The following ZNF638 variants were observed in gnomAD, a reference collection of about 807,000 sequenced individuals.
ZNF638 encodes CTCL tumor antigen se33-1.
ZNF638 carries 46 observed loss-of-function variants against 195.6 expected under a neutral mutation model. That is an observed-to-expected ratio of 0.24 (90% CI 0.19 to 0.30). The LOEUF is 0.30. Ranked by LOEUF, ZNF638 falls within the 10% of genes least tolerant of loss-of-function variation. The pLI is 1.00. For synonymous variants in ZNF638, 845 were observed against 772.0 expected (o/e 1.09, Z -1.57); for missense variants, 2,440 against 2,325.3 (o/e 1.05, Z -1.01).
intron 22 of ZNF638, 97 bp downstream of exon 22, chr2:71,424,135 T>C (rs1226954187): frequency 1.3e-5 from 19 of 1,456,202 alleles, no homozygotes; most frequent in Admixed American, 2.3e-5. Flanking sequence ...TTTCATACTT[T>C]CATCTCCTCA....
At chr2:71,350,962 A>G (rs954414386) in intron 2 of ZNF638, among the ~76,000 whole-genome samples, 6 of 152,230 alleles carry the variant, frequency 3.9e-5, no homozygotes, top group African/African-American at 1.4e-4. Context: ...AGTATTTTGC[A>G]GAGGCAGTGA....
chr2:71,427,272 T>A lies in ZNF638; in HGVS notation c.5403T>A (p.His1801Gln). Residue 1801 changes from histidine to glutamine, a missense_variant, in exon 24 of 28, where the codon CAT (histidine) becomes CAA (glutamine). Transcript: ENST00000264447. ...AGTTAGCACAAAGCAAAAATGACCA[T>A]CCCACAGATAAAAAAGGGAATAGAA... is the stretch of plus-strand genomic sequence containing the variant. ...KVELAQSKND[H>Q]PTDKKGNRKK... The A allele has an allele frequency of 6.2e-7, 1 of 1,613,264 alleles. No individual in the cohort carries two copies. The highest frequency in any genetic ancestry group is 1.1e-5 in the South Asian group (1 of 90,996).
At chr2:71,405,911 T>C (rs1479965348) in intron 18 of ZNF638, among the ~76,000 whole-genome samples, 1 of 152,158 alleles carries the variant, frequency 6.6e-6, no homozygotes, top group African/African-American at 2.4e-5. Flanking sequence ...AACGTTATGT[T>C]GATAGTAGAA....
chr2:71,433,848 T>C (rs1159625979), intron 27 of ZNF638, among the ~76,000 whole-genome samples: 1 of 152,196 alleles, frequency 6.6e-6, no homozygotes, highest in Non-Finnish European at 1.5e-5. Flanking sequence ...TGGAAGCTTA[T>C]TTAATCTCCT....
chr2:71,354,705 C>G (rs114715884), intron 2 of ZNF638, among the ~76,000 whole-genome samples: 1,631 of 149,208 alleles, frequency 0.011, 12 homozygotes, highest in Non-Finnish European at 0.018. Context: ...TCATTGCACT[C>G]CAGCCTAGGC....
intron 10 of ZNF638, chr2:71,395,258 G>A (rs933293413): frequency 1.4e-5 from 10 of 717,156 alleles, no homozygotes; most frequent in South Asian, 5.9e-5. Context: ...ATGCAAAGCC[G>A]GAATACGAGC....
At chr2:71,362,126 T>C (rs1444214977) in intron 3 of ZNF638, among the ~76,000 whole-genome samples, 1 of 152,210 alleles carries the variant, frequency 6.6e-6, no homozygotes. Flanking sequence ...AGATACAGCC[T>C]TTTTCTTAGG....
At chr2:71,408,075 C>A in intron 19 of ZNF638, 47 bp from the exon 20 acceptor site, 1 of 1,568,706 alleles carries the variant, frequency 6.4e-7, no homozygotes, top group Non-Finnish European at 8.6e-7. Context: ...TATTCTAATT[C>A]CAATTTTTTT....
Position 71,393,078 on chromosome 2 carries a change from A to G in ZNF638, c.2378-3063A>G, listed in dbSNP as rs145276667. Among the ~76,000 whole-genome samples, 106 of 152,350 alleles carry G rather than the reference A, an allele frequency of 7.0e-4. 1 individual carries two copies. Among genetic ancestry groups the G allele is most frequent in the African/African-American group, 2.1e-3 (86 of 41,590 alleles). On this transcript the variant is annotated intron_variant, in intron 10 of 27. Coordinates refer to ENST00000264447, the MANE Select transcript of ZNF638 (RefSeq NM_014497.5). The stretch of plus-strand genomic sequence containing the variant: ...AATTTTGTCACACATGGAGCATCCA[A>G]CATTCCACAGGCATCCCGTATAACT...
intron 1 of ZNF638, among the ~76,000 whole-genome samples, chr2:71,341,269 G>A (rs1349446893): frequency 2.0e-5 from 3 of 152,058 alleles, no homozygotes; most frequent in East Asian, 3.8e-4. Flanking sequence ...TTTTACAGTG[G>A]TATGTTTTAG....
chr2:71,391,212 C>T (rs2079769189), intron 10 of ZNF638, among the ~76,000 whole-genome samples: 1 of 152,210 alleles, frequency 6.6e-6, no homozygotes, highest in African/African-American at 2.4e-5. Context: ...CCTATGGGGC[C>T]CCTTCAACGG....
At position 71,403,982 on chromosome 2, in the gene ZNF638, T is replaced by C. The variant is rs1397706840; in HGVS notation, c.2942T>C (p.Met981Thr). 1.9e-6 allele frequency: 3 copies of C among 1,610,016 alleles called. No homozygotes were observed. Among genetic ancestry groups the C allele is most frequent in the Non-Finnish European group, 2.5e-6 (3 of 1,178,410 alleles). Residue 981 changes from methionine to threonine, a missense_variant, in exon 17 of 28, where the codon ATG becomes ACG. Transcript: ENST00000264447. ...TCAATAAGTATGGCTCCTGAAAACA[T>C]GAATATAAAAGATGAGGTAAATCAG... is the stretch of plus-strand genomic sequence containing the variant. ...QLSISMAPEN[M>T]NIKDEEAIFI...
At chr2:71,350,315 G>A (rs780105259) in intron 2 of ZNF638, 44 bp downstream of exon 2, 9 of 1,548,812 alleles carry the variant, frequency 5.8e-6, no homozygotes, top group East Asian at 4.5e-5. Context: ...GATGCTCAGC[G>A]CCAGTTTTCT....
chr2:71,418,421 T>C (rs891732533), intron 20 of ZNF638, 181 bp from the exon 21 acceptor site: 2 of 398,910 alleles, frequency 5.0e-6, no homozygotes, highest in Non-Finnish European at 8.9e-6. Flanking sequence ...AATTTGGAGG[T>C]CTTTAATTAG....
chr2:71,393,251 A>G (rs1039984199), intron 10 of ZNF638: 12 of 596,558 alleles, frequency 2.0e-5, no homozygotes, highest in Middle Eastern at 4.0e-4. Flanking sequence ...ATTTCAATCA[A>G]CTATAGAAAA....
chr2:71,410,147 A>T (rs770774363), intron 20 of ZNF638, among the ~76,000 whole-genome samples: 5 of 152,052 alleles, frequency 3.3e-5, no homozygotes, highest in Non-Finnish European at 7.4e-5. Context: ...AGGTTTTAGG[A>T]TTTATATTAT....
At chr2:71,411,707 T>C (rs1354003835) in intron 20 of ZNF638, among the ~76,000 whole-genome samples, 62 of 89,024 alleles carry the variant, frequency 7.0e-4, no homozygotes, top group Non-Finnish European at 1.2e-3. Context: ...TTCCCACCTA[T>C]GAGTGAGAAT....
At position 71,331,876 on chromosome 2, in the gene ZNF638, G is replaced by A; in HGVS notation, c.-203+1G>A. On this transcript the variant is annotated splice_donor_variant, in intron 1 of 27. Transcript: ENST00000264447. LOFTEE classifies it low-confidence loss of function (5UTR_SPLICE). ...CCAGCTGTTAGTCGGGTAGGCATAG[G>A]TAGGACCGCTGCCCTGTGGGGAGTA... The A allele has an allele frequency of 5.1e-6, 5 of 986,462 alleles. No individual in the cohort carries two copies. The highest frequency in any genetic ancestry group is 6.0e-6 in the Non-Finnish European group (5 of 830,402). 61.1% of individuals were successfully genotyped at this position (986,462 alleles called of 1,614,324 possible).
intron 10 of ZNF638, chr2:71,388,866 G>T: frequency 1.6e-6 from 1 of 640,852 alleles, no homozygotes; most frequent in Non-Finnish European, 2.8e-6. Context: ...CAGAGCCTCG[G>T]TTTCACAGGC....
Sources: allele counts gnomAD v4.1 joint callset (sites outside exome capture counted in the v4.1 genomes callset), GRCh38; gene constraint gnomAD v4.1.1; transcripts MANE v1.5; gene names NCBI Gene and HGNC (gene_info 2026-07-23, HGNC 2026-07-21).